Variants in FAM135B observed in about 807,000 individuals in gnomAD.
FAM135B encodes family with sequence similarity 135 member B, also known as protein FAM135B.
A neutral mutation model predicts 127.7 loss-of-function variants in FAM135B; 43 were observed. The ratio of observed to expected loss-of-function variants is 0.34; its 90% CI spans 0.26 to 0.43. The LOEUF is 0.43. Among genes scored for constraint, FAM135B ranks in the 20% least tolerant of loss-of-function variants. The pLI, the probability that FAM135B is intolerant of heterozygous loss-of-function variation, is 1.00. For missense variants in FAM135B, 1,558 were observed against 1,725.6 expected, an observed-to-expected ratio of 0.90 and a Z score of 1.72; for synonymous variants, 670 against 665.1, an observed-to-expected ratio of 1.01 and a Z score of -0.11.
intron 5 of FAM135B, among the ~76,000 whole-genome samples, chr8:138,255,709 G>C (rs1222366129): frequency 6.6e-6 from 1 of 152,198 alleles, no homozygotes; most frequent in African/African-American, 2.4e-5. Context: ...CACTACATCA[G>C]ATAACTGCAG....
At chr8:138,246,238 G>A (rs1821273012) in intron 6 of FAM135B, among the ~76,000 whole-genome samples, 2 of 152,274 alleles carry the variant, frequency 1.3e-5, no homozygotes, top group Non-Finnish European at 1.5e-5. Context: ...AGTAATGAGG[G>A]ACCCAATGTT....
chr8:138,455,104 A>C (rs1836704186), intron 1 of FAM135B, among the ~76,000 whole-genome samples: 1 of 152,218 alleles, frequency 6.6e-6, no homozygotes. Flanking sequence ...TCAGAAAGAG[A>C]AAGTCTTTGG....
At chr8:138,159,062 G>A (rs1419333694) in intron 12 of FAM135B, among the ~76,000 whole-genome samples, 1 of 150,340 alleles carries the variant, frequency 6.7e-6, no homozygotes, top group Non-Finnish European at 1.5e-5. Context: ...CATGAGGTCA[G>A]GAGATCGAGA....
intron 1 of FAM135B, among the ~76,000 whole-genome samples, chr8:138,444,916 A>G (rs1297945976): frequency 2.0e-5 from 3 of 152,212 alleles, no homozygotes; most frequent in Non-Finnish European, 4.4e-5. Flanking sequence ...CAAGACTAAT[A>G]AAGAAGAAAA....
At chr8:138,382,516 G>A (rs1046050967) in intron 1 of FAM135B, among the ~76,000 whole-genome samples, 1 of 152,044 alleles carries the variant, frequency 6.6e-6, no homozygotes, top group Non-Finnish European at 1.5e-5. Flanking sequence ...CACAGCAAAG[G>A]GCAAAGTCTG....
chr8:138,286,223 C>T (rs777920823), intron 3 of FAM135B, among the ~76,000 whole-genome samples: 6 of 152,062 alleles, frequency 3.9e-5, no homozygotes, highest in East Asian at 1.9e-4. Flanking sequence ...TGGATAGATA[C>T]GAGAACAGAC....
At chr8:138,369,027 C>A (rs1185167931) in intron 1 of FAM135B, among the ~76,000 whole-genome samples, 1 of 152,144 alleles carries the variant, frequency 6.6e-6, no homozygotes, top group African/African-American at 2.4e-5. Flanking sequence ...GACCTGGAGC[C>A]ACTTTCTAAC....
Position 138,198,132 on chromosome 8 carries a change from C to T in FAM135B, c.670-463G>A, listed in dbSNP as rs191883196. Among the ~76,000 whole-genome samples, 619 of 152,090 alleles carry T rather than the reference C, an allele frequency of 4.1e-3. 4 individuals carry two copies. The highest frequency in any genetic ancestry group is 0.014 in the African/African-American group (563 of 41,496). On this transcript the variant is annotated intron_variant, in intron 7 of 19. Transcript: ENST00000395297. ...GTGGGAGGTAATTGAATCACGGGGG[C>T]GGGGTTTTTCCATGCTGTTCTCATG...
chr8:138,373,124 G>T (rs542878560), intron 1 of FAM135B, among the ~76,000 whole-genome samples: 219 of 152,234 alleles, frequency 1.4e-3, no homozygotes, highest in African/African-American at 5.1e-3. Flanking sequence ...CCTCAGTTCA[G>T]ATTTGATTTC....
intron 1 of FAM135B, among the ~76,000 whole-genome samples, chr8:138,392,181 C>T (rs569973558): frequency 5.9e-5 from 9 of 152,332 alleles, no homozygotes; most frequent in Admixed American, 4.6e-4. Flanking sequence ...GTCTTTGAAA[C>T]TGCCTTTGCA....
chr8:138,219,163 A>G (rs1477549548), intron 7 of FAM135B, among the ~76,000 whole-genome samples: 1 of 152,200 alleles, frequency 6.6e-6, no homozygotes, highest in Non-Finnish European at 1.5e-5. Flanking sequence ...TATTATTTCA[A>G]TATTTGAAAA....
intron 1 of FAM135B, among the ~76,000 whole-genome samples, chr8:138,446,609 A>G (rs1836176742): frequency 6.6e-6 from 1 of 152,178 alleles, no homozygotes; most frequent in Non-Finnish European, 1.5e-5. Flanking sequence ...CATATGTAGA[A>G]AGCTGAAACT....
chr8:138,136,450 A>AT (rs1293005549), intron 19 of FAM135B, among the ~76,000 whole-genome samples: 30 of 152,294 alleles, frequency 2.0e-4, no homozygotes, highest in African/African-American at 6.7e-4. Flanking sequence ...TAATTTTCTG[A>AT]TTTTGATAAT....
At chr8:138,266,494 T>TC (rs1187982496) in intron 3 of FAM135B, among the ~76,000 whole-genome samples, 1 of 151,964 alleles carries the variant, frequency 6.6e-6, no homozygotes. Flanking sequence ...GCTTCCACTG[T>TC]CCAGGGTTAT....
At chr8:138,399,047 A>G (rs1273330352) in intron 1 of FAM135B, among the ~76,000 whole-genome samples, 3 of 152,232 alleles carry the variant, frequency 2.0e-5, no homozygotes, top group Non-Finnish European at 4.4e-5. Flanking sequence ...TAATAAAAGA[A>G]TAACAGGAGT....
chr8:138,290,493 T>C (rs1341993810), intron 3 of FAM135B, among the ~76,000 whole-genome samples: 1 of 152,180 alleles, frequency 6.6e-6, no homozygotes, highest in African/African-American at 2.4e-5. Context: ...TGTGTGTATG[T>C]GTGTGTGTTT....
At chr8:138,452,829 G>A (rs1836571815) in intron 1 of FAM135B, among the ~76,000 whole-genome samples, 1 of 152,086 alleles carries the variant, frequency 6.6e-6, no homozygotes, top group African/African-American at 2.4e-5. Flanking sequence ...AGTGCTGGTT[G>A]GTGGCAGGTG....
chr8:138,277,348 C>T (rs1823907223), intron 3 of FAM135B, among the ~76,000 whole-genome samples: 1 of 152,208 alleles, frequency 6.6e-6, no homozygotes, highest in African/African-American at 2.4e-5. Flanking sequence ...CCAGCTCAAA[C>T]CTCCTTAGTC....
chr8:138,349,307 G>A (rs1587186525), intron 2 of FAM135B, among the ~76,000 whole-genome samples: 1 of 152,334 alleles, frequency 6.6e-6, no homozygotes, highest in Non-Finnish European at 1.5e-5. Flanking sequence ...GAGAAAGAAT[G>A]TAGACTTGGA....
Sources: gnomAD v4.1 joint callset for allele counts (sites outside exome capture counted in the v4.1 genomes callset) on GRCh38, gnomAD v4.1.1 for gene constraint, MANE v1.5 for transcripts, NCBI Gene and HGNC (gene_info 2026-07-23, HGNC 2026-07-21) for gene names.